The following BMP1 variants were observed in gnomAD, a reference collection of about 807,000 sequenced individuals.
The protein encoded by BMP1 is mammalian tolloid protein.
In BMP1, 63 loss-of-function variants were observed where a neutral mutation model predicts 116.8. The observed-to-expected ratio is 0.54, with a 90% CI of 0.44 to 0.67. The LOEUF is 0.67. Among genes scored for constraint, BMP1 ranks in the 30% least tolerant of loss-of-function variants. The pLI, the probability that BMP1 is intolerant of heterozygous loss-of-function variation, is 0.00. For missense variants in BMP1, 1,183 were observed against 1,358.9 expected (o/e 0.87, Z 2.04); for synonymous variants, 536 against 533.4 (o/e 1.00, Z -0.07).
rs770910156 is a variant in BMP1, at chr8:22,194,926, C to T, written c.1639+7C>T. 1.2e-6 allele frequency: 2 copies of T among 1,602,056 alleles called. No homozygotes were observed. ...GCCGTCAACTTTTTCAAAGGTGCCTCCTCTGTTACTCTCCCCTGCCCCAAG... is the reference window on the plus strand; with the variant it reads ...GCCGTCAACTTTTTCAAAGGTGCCTTCTCTGTTACTCTCCCCTGCCCCAAG... On this transcript the variant is annotated splice_region_variant and intron_variant, in intron 12 of 19. Transcript: ENST00000306385. This position sits in a 1 kb window ranked among gnomAD's most constrained non-coding sequence, Gnocchi z 4.5.
chr8:22,209,622 G>C lies in BMP1; in HGVS notation c.2753G>C (p.Gly918Ala), dbSNP rs758631616. 8.1e-6 allele frequency: 13 copies of C among 1,614,052 alleles called. No individual in the cohort carries two copies. ...TFEVEEETDC[G>A]YDYMELFDGY... ...GAGGTGGAGGAGGAGACCGACTGCGGCTATGACTACATGGAGCTCTTCGAC... is the reference window on the plus strand; with the variant it reads ...GAGGTGGAGGAGGAGACCGACTGCGCCTATGACTACATGGAGCTCTTCGAC... The change falls in exon 19 of 20, where the codon GGC becomes GCC. Residue 918 changes from glycine (G) to alanine (A), a missense_variant. Physicochemically the swap from Gly to Ala is moderately conservative, Grantham distance 60. Transcript: ENST00000306385.
intron 15 of BMP1, chr8:22,199,322 GAAGA>G: frequency 7.4e-7 from 1 of 1,356,978 alleles, no homozygotes; most frequent in Non-Finnish European, 9.8e-7. Context: ...CCAAGAAGGA[GAAGA>G]AAGAGCCTGA....
At chr8:22,165,878 C>CGTGGGTGTGT (rs1432185239) in intron 1 of BMP1, among the ~76,000 whole-genome samples, 3 of 67,712 alleles carry the variant, frequency 4.4e-5, no homozygotes, top group African/African-American at 1.3e-4. Flanking sequence ...AACTCCTGTG[C>CGTGGGTGTGT]GTGCGTGTGT....
intron 2 of BMP1, 60 bp from the exon 3 acceptor site, chr8:22,176,083 A>G (rs1828420883): frequency 6.4e-7 from 1 of 1,554,474 alleles, no homozygotes; most frequent in Non-Finnish European, 8.8e-7. Flanking sequence ...AGGTTTGACT[A>G]TGCTTTTGCT....
Position 22,194,841 on chromosome 8 carries a change from A to G in BMP1, c.1561A>G (p.Thr521Ala). 6.2e-7 allele frequency: 1 copy of G among 1,614,186 alleles called. No homozygotes were observed. Among genetic ancestry groups the G allele is most frequent in the Non-Finnish European group, 8.5e-7 (1 of 1,180,030 alleles). Reference sequence around the variant, plus strand: ...TGAGAAGCCTGATGACATCAAGAGCACGTCCAGCCGCCTCTGGCTCAAGTT... The same window carrying G: ...TGAGAAGCCTGATGACATCAAGAGCGCGTCCAGCCGCCTCTGGCTCAAGTT... ...GYEKPDDIKS[T>A]SSRLWLKFVS... The change falls in exon 12 of 20, where the codon ACG becomes GCG. Residue 521 changes from threonine to alanine, a missense_variant. Thr to Ala is a moderately conservative substitution (Grantham distance 58). Around this residue, in one of 4 missense-constraint regions of BMP1, gnomAD observed 956 missense variants for 1,135.2 expected, o/e 0.84. Coordinates refer to ENST00000306385, the MANE Select transcript of BMP1 (RefSeq NM_006129.5). The surrounding 1 kb of genome is among the most constrained non-coding windows in gnomAD (Gnocchi z 4.5).
intron 16 of BMP1, among the ~76,000 whole-genome samples, chr8:22,204,884 T>C (rs757860605): frequency 2.0e-5 from 3 of 152,166 alleles, no homozygotes; most frequent in Admixed American, 6.5e-5. Context: ...AGCGATGGGC[T>C]GTAGCTGGAG....
At chr8:22,200,997 C>CCCCCCCCCCCCCCCCAA in intron 15 of BMP1, 4 of 319,192 alleles carry the variant, frequency 1.3e-5, no homozygotes, top group Non-Finnish European at 2.5e-5. Flanking sequence ...CCTCCCGCCC[C>CCCCCCCCCCCCCCCCAA]ACCCTGCCCC....
chr8:22,210,802 G>A (rs1315570942), intron 19 of BMP1, among the ~76,000 whole-genome samples: 6 of 152,202 alleles, frequency 3.9e-5, no homozygotes, highest in Admixed American at 1.3e-4. Flanking sequence ...CACCAAATCG[G>A]ATGTCCCCAG....
At chr8:22,178,748 C>G (rs929936785) in intron 6 of BMP1, among the ~76,000 whole-genome samples, 1 of 152,068 alleles carries the variant, frequency 6.6e-6, no homozygotes, top group Admixed American at 6.6e-5. Context: ...AGCCTCCCCT[C>G]CCCCAAGATT....
chr8:22,197,882 G>C (rs1829137660), intron 15 of BMP1, among the ~76,000 whole-genome samples: 1 of 152,158 alleles, frequency 6.6e-6, no homozygotes, highest in Non-Finnish European at 1.5e-5. Flanking sequence ...TCACACTGGG[G>C]CCTTCAGAAA....
At chr8:22,210,466 T>A (rs868788056) in intron 19 of BMP1, among the ~76,000 whole-genome samples, 93 of 101,142 alleles carry the variant, frequency 9.2e-4, no homozygotes, top group African/African-American at 2.8e-3. Context: ...TCTCTCTCTC[T>A]CTCACACACA....
rs1828540078 is a variant in BMP1, at chr8:22,179,144, G to A, written c.837-561G>A. Among the ~76,000 whole-genome samples the A allele has an allele frequency of 6.6e-6, 1 of 152,254 alleles. No homozygotes were observed. Among genetic ancestry groups the A allele is most frequent in the Admixed American group, 6.5e-5 (1 of 15,288 alleles). On this transcript the variant is annotated intron_variant, in intron 6 of 19. Transcript: ENST00000306385. This position sits in a 1 kb window ranked among gnomAD's most constrained non-coding sequence, Gnocchi z 4.6. Reference sequence around the variant, plus strand: ...AGGATTCAGCAGGGAGGAATGGCCAGGACAGGAGACACTGATAGATTGGGA... The same window carrying A: ...AGGATTCAGCAGGGAGGAATGGCCAAGACAGGAGACACTGATAGATTGGGA...
intron 1 of BMP1, among the ~76,000 whole-genome samples, chr8:22,167,020 A>G (rs1360072438): frequency 6.6e-6 from 1 of 152,216 alleles, no homozygotes; most frequent in African/African-American, 2.4e-5. Context: ...GCATCTTCCC[A>G]TAGAGTTGGT....
chr8:22,204,714 C>A (rs1024464587), intron 16 of BMP1, among the ~76,000 whole-genome samples: 1 of 151,102 alleles, frequency 6.6e-6, no homozygotes, highest in Admixed American at 6.6e-5. Flanking sequence ...CAGAGCAAGA[C>A]CCTGTCCCCC....
At chr8:22,186,130 C>T (rs916602542) in intron 8 of BMP1, among the ~76,000 whole-genome samples, 14 of 152,186 alleles carry the variant, frequency 9.2e-5, no homozygotes, top group African/African-American at 3.4e-4. Flanking sequence ...GCCACCACGC[C>T]CGGCCCAACC....
Position 22,211,838 on chromosome 8 carries a change from G to A in BMP1, c.*110G>A. On this transcript the variant is annotated 3_prime_UTR_variant, in exon 20 of 20. Coordinates refer to ENST00000306385, the MANE Select transcript of BMP1 (RefSeq NM_006129.5). ...ACCATCCCTCTCCCCCAGGCCCCAGGACCTGCAGGGCCAATGGCCTGGTGA... is the reference window on the plus strand; with the variant it reads ...ACCATCCCTCTCCCCCAGGCCCCAGAACCTGCAGGGCCAATGGCCTGGTGA... 1 of 1,534,444 alleles carries A rather than the reference G, an allele frequency of 6.5e-7. No homozygotes were observed. Among genetic ancestry groups the A allele is most frequent in the Non-Finnish European group, 8.9e-7 (1 of 1,127,432 alleles).
chr8:22,168,174 A>T (rs143226005), intron 1 of BMP1, among the ~76,000 whole-genome samples: 1 of 152,124 alleles, frequency 6.6e-6, no homozygotes, highest in Non-Finnish European at 1.5e-5. Context: ...AGGTTCCTGG[A>T]CCTTCTGGGT....
chr8:22,177,439 G>T, intron 5 of BMP1: 2 of 679,896 alleles, frequency 2.9e-6, no homozygotes, highest in Non-Finnish European at 5.4e-6. Flanking sequence ...CCGTCCTGGG[G>T]ACTGCTCAGG....
intron 8 of BMP1, among the ~76,000 whole-genome samples, chr8:22,187,447 C>T (rs1157247211): frequency 2.0e-5 from 3 of 151,196 alleles, no homozygotes; most frequent in Non-Finnish European, 2.9e-5. Flanking sequence ...TCTCCTGCCT[C>T]AGCCTCCTCA....
Sources: allele counts gnomAD v4.1 joint callset (sites outside exome capture counted in the v4.1 genomes callset), GRCh38; gene constraint gnomAD v4.1.1; regional missense constraint gnomAD v4.1.1; non-coding constraint Gnocchi (gnomAD v3.1); transcripts MANE v1.5; gene names NCBI Gene and HGNC (gene_info 2026-07-23, HGNC 2026-07-21).